Variants in EYS observed in about 807,000 individuals in gnomAD.
EYS encodes the protein EGF-like photoreceptor maintenance factor.
A neutral mutation model predicts 282.1 loss-of-function variants in EYS; 250 were observed. The observed-to-expected ratio is 0.89, with a 90% CI of 0.80 to 0.98. The LOEUF (loss-of-function observed/expected upper bound fraction) is 0.98, where lower values mean the gene tolerates loss of function less well. Ranked by LOEUF, EYS falls within the 50% of genes least tolerant of loss-of-function variation. The pLI, the probability that EYS is intolerant of heterozygous loss-of-function variation, is 0.00. For missense variants in EYS, 4,016 were observed against 3,709.0 expected (o/e 1.08, Z -2.15); for synonymous variants, 1,355 against 1,282.9 (o/e 1.06, Z -1.20).
intron 1 of EYS, among the ~76,000 whole-genome samples, chr6:65,671,873 T>C (rs1305852756): frequency 6.6e-6 from 1 of 152,106 alleles, no homozygotes; most frequent in African/African-American, 2.4e-5. Flanking sequence ...TGGAGGGAAC[T>C]AGCTAAGAGA....
intron 26 of EYS, among the ~76,000 whole-genome samples, chr6:64,501,341 C>T (rs1035371668): frequency 2.6e-5 from 4 of 151,586 alleles, no homozygotes; most frequent in African/African-American, 9.7e-5. Flanking sequence ...AAAAAAATAA[C>T]AAATCATTAG....
intron 7 of EYS, among the ~76,000 whole-genome samples, chr6:65,390,389 A>G (rs1765975801): frequency 6.6e-6 from 1 of 151,506 alleles, no homozygotes; most frequent in Non-Finnish European, 1.5e-5. Context: ...AGTCAGAGAG[A>G]GAGAGAGGAT....
chr6:63,895,319 A>G (rs905718953), intron 35 of EYS, among the ~76,000 whole-genome samples: 2 of 152,218 alleles, frequency 1.3e-5, no homozygotes, highest in African/African-American at 4.8e-5. Flanking sequence ...ACTGTACAAT[A>G]TAAGAGAAAA....
intron 26 of EYS, among the ~76,000 whole-genome samples, chr6:64,439,992 CA>C (rs903094017): frequency 2.9e-5 from 4 of 139,490 alleles, no homozygotes; most frequent in East Asian, 2.3e-4. Context: ...ATTATTAAAT[CA>C]TTTTTTTTTG....
chr6:65,356,598 C>T (rs9453268), intron 8 of EYS, among the ~76,000 whole-genome samples: 102,387 of 151,898 alleles, frequency 0.67, 34,608 homozygotes, highest in South Asian at 0.71. Flanking sequence ...TCAATGGGTG[C>T]CTGAACAATT....
intron 26 of EYS, among the ~76,000 whole-genome samples, chr6:64,473,215 T>C (rs1736426594): frequency 6.6e-6 from 1 of 152,168 alleles, no homozygotes; most frequent in Non-Finnish European, 1.5e-5. Context: ...GGTAACATTA[T>C]GAGTTGAAAT....
At chr6:64,947,888 G>T (rs1319942536) in intron 14 of EYS, among the ~76,000 whole-genome samples, 1 of 151,486 alleles carries the variant, frequency 6.6e-6, no homozygotes, top group Non-Finnish European at 1.5e-5. Context: ...ATATTATGGG[G>T]TATAAATTAT....
At chr6:65,523,258 T>C (rs1171768959) in intron 2 of EYS, among the ~76,000 whole-genome samples, 1 of 152,014 alleles carries the variant, frequency 6.6e-6, no homozygotes, top group Non-Finnish European at 1.5e-5. Flanking sequence ...CTGTAAATTA[T>C]AAAAACACTT....
intron 1 of EYS, among the ~76,000 whole-genome samples, chr6:65,664,159 C>T (rs1026912769): frequency 3.3e-5 from 5 of 152,080 alleles, no homozygotes; most frequent in East Asian, 1.9e-4. Context: ...CATGAGCCAC[C>T]GCGCCCGGCC....
chr6:65,446,999 A>G (rs1768688000), intron 5 of EYS, among the ~76,000 whole-genome samples: 1 of 151,718 alleles, frequency 6.6e-6, no homozygotes. Context: ...ACATCGTCTT[A>G]GATGATTGTA....
At chr6:63,956,387 C>T (rs1353947726) in intron 35 of EYS, among the ~76,000 whole-genome samples, 1 of 152,116 alleles carries the variant, frequency 6.6e-6, no homozygotes, top group Non-Finnish European at 1.5e-5. Context: ...AACCCAAATC[C>T]TGTAAAACGG....
intron 36 of EYS, among the ~76,000 whole-genome samples, chr6:63,820,765 T>C (rs1771301242): frequency 6.6e-6 from 1 of 152,198 alleles, no homozygotes; most frequent in Non-Finnish European, 1.5e-5. Flanking sequence ...TGGGGTCTTT[T>C]GCTTAATTTT....
At chr6:65,265,516 T>C (rs1767730248) in intron 12 of EYS, among the ~76,000 whole-genome samples, 1 of 151,992 alleles carries the variant, frequency 6.6e-6, no homozygotes, top group Admixed American at 6.6e-5. Context: ...ATTATTATAT[T>C]TTCTTAATAT....
At chr6:63,726,452 A>G in intron 42 of EYS, 67 bp downstream of exon 42, 2 of 1,338,576 alleles carry the variant, frequency 1.5e-6, no homozygotes, top group South Asian at 3.1e-5. Context: ...TGACACAAAC[A>G]CTATCATACA....
At chr6:64,521,194 C>T (rs1777722590) in intron 26 of EYS, among the ~76,000 whole-genome samples, 1 of 151,730 alleles carries the variant, frequency 6.6e-6, no homozygotes, top group Non-Finnish European at 1.5e-5. Flanking sequence ...TTACTTGTTA[C>T]AAGAATACAC....
chr6:64,808,171 G>T (rs1764495449), intron 22 of EYS, among the ~76,000 whole-genome samples: 1 of 150,214 alleles, frequency 6.7e-6, no homozygotes, highest in Admixed American at 6.7e-5. Flanking sequence ...TCACGATATA[G>T]CACACTAAGG....
chr6:64,086,623 C>CTT (rs1253672751), intron 31 of EYS, among the ~76,000 whole-genome samples: 1 of 152,170 alleles, frequency 6.6e-6, no homozygotes, highest in African/African-American at 2.4e-5. Flanking sequence ...TCAAGGCCTA[C>CTT]TTGAATATTC....
chr6:64,277,760 G>T (rs1768164349), intron 30 of EYS, among the ~76,000 whole-genome samples: 1 of 152,088 alleles, frequency 6.6e-6, no homozygotes, highest in Non-Finnish European at 1.5e-5. Flanking sequence ...AATCAAGGAG[G>T]ATGGAGAAAC....
intron 2 of EYS, among the ~76,000 whole-genome samples, chr6:65,565,646 C>G (rs890969887): frequency 6.6e-6 from 1 of 152,116 alleles, no homozygotes; most frequent in African/African-American, 2.4e-5. Flanking sequence ...GACACATACA[C>G]ATGTATGTTT....
Sources: allele counts gnomAD v4.1 joint callset (sites outside exome capture counted in the v4.1 genomes callset), GRCh38; gene constraint gnomAD v4.1.1; transcripts MANE v1.5; gene names NCBI Gene and HGNC (gene_info 2026-07-23, HGNC 2026-07-21).